Variants in LRRC20 observed in about 807,000 individuals in gnomAD.
LRRC20 encodes the protein leucine rich repeat containing 20, also known as leucine-rich repeat-containing protein 20.
In LRRC20, 11 loss-of-function variants were observed where a neutral mutation model predicts 14.4. The observed-to-expected ratio is 0.77, with a 90% CI of 0.48 to 1.27. The LOEUF is 1.27. Among genes scored for constraint, LRRC20 ranks in the 50% most tolerant of loss-of-function variants. The pLI is 0.00. For synonymous variants in LRRC20, 121 were observed against 107.3 expected, an observed-to-expected ratio of 1.13 and a Z score of -0.79; for missense variants, 219 against 251.2, an observed-to-expected ratio of 0.87 and a Z score of 0.87.
chr10:70,369,730 T>G (rs902822259), intron 2 of LRRC20, among the ~76,000 whole-genome samples: 1 of 151,174 alleles, frequency 6.6e-6, no homozygotes. Flanking sequence ...AGGGTTGTCA[T>G]GGGGAATTAA....
At chr10:70,311,222 A>ATTTTTTTTTTTT (rs11314061) in intron 4 of LRRC20, among the ~76,000 whole-genome samples, 1,377 of 86,258 alleles carry the variant, frequency 0.016, 105 homozygotes, top group East Asian at 0.079. Flanking sequence ...TCAACATTCC[A>ATTTTTTTTTTTT]TTTTTTTTTT....
intron 2 of LRRC20, among the ~76,000 whole-genome samples, chr10:70,373,767 AG>A (rs1175875439): frequency 6.6e-6 from 1 of 152,182 alleles, no homozygotes; most frequent in Admixed American, 6.5e-5. Flanking sequence ...CCCCCACCCC[AG>A]GGCTGCATGG....
At chr10:70,306,988 C>T (rs1322398763) in intron 4 of LRRC20, among the ~76,000 whole-genome samples, 2 of 152,190 alleles carry the variant, frequency 1.3e-5, no homozygotes, top group Non-Finnish European at 2.9e-5. Context: ...GCCCCTTTGG[C>T]CTGGCTCCTG....
intron 3 of LRRC20, among the ~76,000 whole-genome samples, chr10:70,338,910 C>T (rs779645538): frequency 7.8e-4 from 119 of 152,342 alleles, no homozygotes; most frequent in Middle Eastern, 3.4e-3. Flanking sequence ...ATCCACCTGC[C>T]TCAGCCTCCC....
intron 2 of LRRC20, among the ~76,000 whole-genome samples, chr10:70,345,426 G>A (rs1042583219): frequency 2.0e-5 from 3 of 150,996 alleles, no homozygotes; most frequent in Non-Finnish European, 4.4e-5. Flanking sequence ...CCAAATCTAG[G>A]AGCATAACAG....
chr10:70,350,374 C>T lies in LRRC20; in HGVS notation c.83-9672G>A, dbSNP rs139393291. ...GCAAGAAGACCAAACTGCATGTCCC[C>T]AAACTTCTAATTAGAACAGTTTTTT... On this transcript the variant is annotated intron_variant, in intron 2 of 4. Transcript: ENST00000446961. Among the ~76,000 whole-genome samples the T allele has an allele frequency of 3.6e-3, 555 of 152,362 alleles. 6 individuals are homozygous for T. Among genetic ancestry groups the T allele is most frequent in the African/African-American group, 0.013 (533 of 41,590 alleles).
At chr10:70,308,372 C>T (rs1395895252) in intron 4 of LRRC20, among the ~76,000 whole-genome samples, 1 of 152,064 alleles carries the variant, frequency 6.6e-6, no homozygotes. Flanking sequence ...CTCTTGACCA[C>T]AGAGAAGCGC....
intron 2 of LRRC20, among the ~76,000 whole-genome samples, chr10:70,371,710 C>T (rs1844278463): frequency 6.6e-6 from 1 of 152,028 alleles, no homozygotes; most frequent in Non-Finnish European, 1.5e-5. Flanking sequence ...TCTGCATGCT[C>T]CTTAGAAACA....
chr10:70,326,784 C>A (rs1268527744), intron 3 of LRRC20, among the ~76,000 whole-genome samples: 1 of 152,168 alleles, frequency 6.6e-6, no homozygotes, highest in Non-Finnish European at 1.5e-5. Flanking sequence ...TCCCAAGTAG[C>A]TGGGACTACA....
intron 2 of LRRC20, among the ~76,000 whole-genome samples, chr10:70,373,966 C>T (rs903932648): frequency 6.6e-6 from 1 of 152,216 alleles, no homozygotes; most frequent in Non-Finnish European, 1.5e-5. Context: ...TGCAGGGTGC[C>T]CACTCTTCAG....
chr10:70,362,629 A>G (rs1184022471), intron 2 of LRRC20, among the ~76,000 whole-genome samples: 1 of 152,214 alleles, frequency 6.6e-6, no homozygotes, highest in Non-Finnish European at 1.5e-5. Context: ...CACCTCACCC[A>G]GCTTCACTTG....
chr10:70,340,306 A>G (rs535728433), intron 3 of LRRC20, among the ~76,000 whole-genome samples: 1 of 152,006 alleles, frequency 6.6e-6, no homozygotes, highest in South Asian at 2.1e-4. Context: ...AGAACAAGAG[A>G]ATCACTCCAG....
chr10:70,329,416 C>T (rs1290878924), intron 3 of LRRC20, among the ~76,000 whole-genome samples: 4 of 152,326 alleles, frequency 2.6e-5, no homozygotes, highest in Admixed American at 2.6e-4. Context: ...CTTTCATCAT[C>T]AAGTCTGATG....
intron 3 of LRRC20, among the ~76,000 whole-genome samples, chr10:70,329,378 T>C (rs1842447756): frequency 6.6e-6 from 1 of 152,204 alleles, no homozygotes; most frequent in Non-Finnish European, 1.5e-5. Flanking sequence ...GTGGACATCC[T>C]TGCCTTGTTC....
At chr10:70,308,109 G>A (rs1044978975) in intron 4 of LRRC20, among the ~76,000 whole-genome samples, 12 of 152,128 alleles carry the variant, frequency 7.9e-5, no homozygotes, top group Non-Finnish European at 1.8e-4. Flanking sequence ...TATGGCTCCC[G>A]GAGCCCCTCA....
At chr10:70,346,555 G>A (rs1163763881) in intron 2 of LRRC20, among the ~76,000 whole-genome samples, 1 of 152,112 alleles carries the variant, frequency 6.6e-6, no homozygotes, top group Non-Finnish European at 1.5e-5. Flanking sequence ...TATCAACCCA[G>A]GTGTGTTGAT....
At chr10:70,374,714 T>C (rs1333819734) in intron 2 of LRRC20, among the ~76,000 whole-genome samples, 1 of 152,042 alleles carries the variant, frequency 6.6e-6, no homozygotes, top group African/African-American at 2.4e-5. Context: ...GAACCCTCCA[T>C]TGGAAGGCAG....
chr10:70,349,588 T>C (rs1179008052), intron 2 of LRRC20, among the ~76,000 whole-genome samples: 1 of 152,016 alleles, frequency 6.6e-6, no homozygotes, highest in African/African-American at 2.4e-5. Flanking sequence ...AATAAACAAA[T>C]AAATAAATAA....
intron 3 of LRRC20, among the ~76,000 whole-genome samples, chr10:70,338,526 T>C (rs1842793069): frequency 6.6e-6 from 1 of 152,258 alleles, no homozygotes; most frequent in Non-Finnish European, 1.5e-5. Flanking sequence ...GTGGATCCAT[T>C]TCCCAGTTGA....
Sources: gnomAD v4.1 joint callset for allele counts (sites outside exome capture counted in the v4.1 genomes callset) on GRCh38, gnomAD v4.1.1 for gene constraint, MANE v1.5 for transcripts, NCBI Gene and HGNC (gene_info 2026-07-23, HGNC 2026-07-21) for gene names.